The following TRPC4 variants were observed in gnomAD, a reference collection of about 807,000 sequenced individuals.
TRPC4 encodes transient receptor potential cation channel subfamily C member 4, also known as short transient receptor potential channel 4.
Under a neutral mutation model 99.4 loss-of-function variants are expected in TRPC4, and 49 were observed. The observed-to-expected ratio is 0.49, with a 90% CI of 0.39 to 0.63. The LOEUF is 0.63. Ranked by LOEUF, TRPC4 falls within the 20% of genes least tolerant of loss-of-function variation. The probability of loss-of-function intolerance (pLI) is 0.00; values close to 1 mark genes in which losing one functional copy is unlikely to be tolerated. For missense variants in TRPC4, 898 were observed against 1,152.9 expected, an observed-to-expected ratio of 0.78 and a Z score of 3.20; for synonymous variants, 454 against 425.9, an observed-to-expected ratio of 1.07 and a Z score of -0.81.
chr13:37,824,462 A>C (rs922523162), intron 1 of TRPC4, among the ~76,000 whole-genome samples: 2 of 152,038 alleles, frequency 1.3e-5, no homozygotes, highest in Non-Finnish European at 2.9e-5. Flanking sequence ...TACCTAATTT[A>C]TTGAGAGTTT....
At chr13:37,817,508 G>A (rs1957891351) in intron 1 of TRPC4, among the ~76,000 whole-genome samples, 1 of 151,916 alleles carries the variant, frequency 6.6e-6, no homozygotes, top group Admixed American at 6.6e-5. Flanking sequence ...ATTCTTCAGG[G>A]TAGTAGAGAG....
intron 1 of TRPC4, among the ~76,000 whole-genome samples, chr13:37,788,588 C>T: frequency 6.6e-6 from 1 of 152,170 alleles, no homozygotes; most frequent in East Asian, 1.9e-4. Flanking sequence ...TGCTCCACCT[C>T]CTACCTCAAC....
chr13:37,788,680 G>A (rs1031710995), intron 1 of TRPC4, among the ~76,000 whole-genome samples: 3 of 151,950 alleles, frequency 2.0e-5, no homozygotes, highest in Non-Finnish European at 4.4e-5. Context: ...GGTCCTGCTT[G>A]TGGCTCTTTC....
intron 4 of TRPC4, among the ~76,000 whole-genome samples, chr13:37,676,653 G>GA (rs2138780994): frequency 6.6e-6 from 1 of 152,182 alleles, no homozygotes; most frequent in East Asian, 1.9e-4. Flanking sequence ...TTACAGGCAG[G>GA]AGCCACCGCG....
chr13:37,754,946 G>A (rs1281454993), intron 2 of TRPC4, among the ~76,000 whole-genome samples: 1 of 152,038 alleles, frequency 6.6e-6, no homozygotes, highest in Non-Finnish European at 1.5e-5. Context: ...AAAATCCAGA[G>A]CCTGATGTTT....
intron 1 of TRPC4, among the ~76,000 whole-genome samples, chr13:37,865,763 A>G (rs1959701972): frequency 6.6e-6 from 1 of 151,784 alleles, no homozygotes; most frequent in Non-Finnish European, 1.5e-5. Context: ...CATCAGGTAG[A>G]CGTAGTACCT....
intron 2 of TRPC4, among the ~76,000 whole-genome samples, chr13:37,780,637 A>C (rs1441609001): frequency 1.3e-5 from 2 of 152,142 alleles, no homozygotes; most frequent in Admixed American, 6.6e-5. Flanking sequence ...CTTCCTTAGG[A>C]AATGAATTAC....
chr13:37,697,948 T>C (rs1265894197), intron 3 of TRPC4, among the ~76,000 whole-genome samples: 1 of 151,976 alleles, frequency 6.6e-6, no homozygotes, highest in Non-Finnish European at 1.5e-5. Flanking sequence ...TCTGGGAATG[T>C]CTGTGTGGGT....
intron 1 of TRPC4, among the ~76,000 whole-genome samples, chr13:37,834,799 C>T (rs913737147): frequency 5.3e-5 from 8 of 152,158 alleles, no homozygotes; most frequent in African/African-American, 9.7e-5. Context: ...ACAATCTCGG[C>T]TCACTGTAAT....
chr13:37,727,366 T>C (rs1361283021), intron 3 of TRPC4, among the ~76,000 whole-genome samples: 2 of 151,714 alleles, frequency 1.3e-5, no homozygotes, highest in African/African-American at 4.8e-5. Context: ...AATTAGAAAA[T>C]AAATATTAAT....
intron 1 of TRPC4, among the ~76,000 whole-genome samples, chr13:37,862,698 G>A (rs1006055644): frequency 6.6e-6 from 1 of 151,600 alleles, no homozygotes; most frequent in Non-Finnish European, 1.5e-5. Context: ...AGTGTGATAA[G>A]AGGCTTATGA....
rs543503271 is a variant in TRPC4, at chr13:37,632,200, A to G, written c.*4703T>C. ...ACAAATACAAATGTTCCTGAGCAGC[A>G]CTGTCCAATAGAAATGTATTGCAAG... On this transcript the variant is annotated 3_prime_UTR_variant, in exon 11 of 11. Transcript: ENST00000379705. Among the ~76,000 whole-genome samples, 2 of 152,352 alleles carry G rather than the reference A, an allele frequency of 1.3e-5. 1 individual carries two copies. The highest frequency in any genetic ancestry group is 6.8e-3 in the Middle Eastern group (2 of 294).
intron 1 of TRPC4, among the ~76,000 whole-genome samples, chr13:37,858,132 G>A (rs141774568): frequency 0.011 from 1,594 of 151,736 alleles, 25 homozygotes; most frequent in African/African-American, 0.036. Context: ...CTCAGAAGAA[G>A]ACATACAAAT....
chr13:37,797,615 C>G (rs1441403178), intron 1 of TRPC4, among the ~76,000 whole-genome samples: 1 of 152,052 alleles, frequency 6.6e-6, no homozygotes, highest in Non-Finnish European at 1.5e-5. Context: ...TTTGAATTTA[C>G]CAGTCAAGTT....
At chr13:37,746,619 G>A (rs1955794644) in intron 2 of TRPC4, among the ~76,000 whole-genome samples, 164 bp from the exon 3 acceptor site, 1 of 146,650 alleles carries the variant, frequency 6.8e-6, no homozygotes, top group Non-Finnish European at 1.5e-5. Context: ...AAAAAGACCA[G>A]ACAAAATTGG....
chr13:37,731,295 A>C (rs1453036994), intron 3 of TRPC4, among the ~76,000 whole-genome samples: 1 of 151,990 alleles, frequency 6.6e-6, no homozygotes, highest in Non-Finnish European at 1.5e-5. Context: ...CAAGATTCTA[A>C]AACACTCAAT....
chr13:37,660,181 G>A (rs1952381966), intron 6 of TRPC4, among the ~76,000 whole-genome samples: 1 of 152,090 alleles, frequency 6.6e-6, no homozygotes, highest in South Asian at 2.1e-4. Context: ...AATTATCAGA[G>A]TATACTTAAG....
At chr13:37,665,007 T>G (rs1411220913) in intron 5 of TRPC4, among the ~76,000 whole-genome samples, 1 of 152,178 alleles carries the variant, frequency 6.6e-6, no homozygotes, top group Non-Finnish European at 1.5e-5. Flanking sequence ...TTCTTGAACA[T>G]TCCCACACAT....
intron 8 of TRPC4, among the ~76,000 whole-genome samples, chr13:37,650,602 T>TATACA (rs1456528327): frequency 1.5e-5 from 1 of 68,414 alleles, no homozygotes; most frequent in Non-Finnish European, 3.1e-5. Flanking sequence ...TCTCTCTCTC[T>TATACA]CTCTCTCTAT....
Sources: gnomAD v4.1 joint callset for allele counts (sites outside exome capture counted in the v4.1 genomes callset) on GRCh38, gnomAD v4.1.1 for gene constraint, MANE v1.5 for transcripts, NCBI Gene and HGNC (gene_info 2026-07-23, HGNC 2026-07-21) for gene names.